Variants in LARGE1 observed in about 807,000 individuals in gnomAD.
LARGE1 encodes xylosyl- and glucuronyltransferase LARGE1.
Under a neutral mutation model 87.6 loss-of-function variants are expected in LARGE1, and 43 were observed. That is an observed-to-expected ratio of 0.49 (90% CI 0.38 to 0.63). The LOEUF (loss-of-function observed/expected upper bound fraction) is 0.63. Ranked by LOEUF, LARGE1 falls within the 30% of genes least tolerant of loss-of-function variation. The pLI is 0.00. For synonymous variants in LARGE1, 434 were observed against 394.6 expected, an observed-to-expected ratio of 1.10 and a Z score of -1.18; for missense variants, 802 against 1,000.2, an observed-to-expected ratio of 0.80 and a Z score of 2.67.
At chr22:33,809,568 C>T (rs2086426474) in intron 1 of LARGE1, among the ~76,000 whole-genome samples, 1 of 152,188 alleles carries the variant, frequency 6.6e-6, no homozygotes, top group Non-Finnish European at 1.5e-5. Flanking sequence ...CATGTCTAAA[C>T]CAGCACTTTC....
chr22:33,317,498 T>C (rs1936288156), intron 10 of LARGE1, among the ~76,000 whole-genome samples: 1 of 152,222 alleles, frequency 6.6e-6, no homozygotes, highest in Admixed American at 6.5e-5. Context: ...TTTCTTTCTT[T>C]GAACTCTCTG....
intron 6 of LARGE1, among the ~76,000 whole-genome samples, chr22:33,546,777 T>C (rs2077371407): frequency 6.6e-6 from 1 of 152,152 alleles, no homozygotes; most frequent in African/African-American, 2.4e-5. Flanking sequence ...AGAGATGGGG[T>C]TTCACAACGG....
intron 1 of LARGE1, among the ~76,000 whole-genome samples, chr22:33,847,301 AC>A (rs2063462960): frequency 6.6e-6 from 1 of 152,150 alleles, no homozygotes; most frequent in South Asian, 2.1e-4. Context: ...TAAAACACTG[AC>A]TTTATTAGAC....
chr22:33,128,406 G>C, the LARGE1 span, among the ~76,000 whole-genome samples: 2 of 152,218 alleles, frequency 1.3e-5, no homozygotes, highest in East Asian at 3.8e-4. Flanking sequence ...CAGATGCAGT[G>C]GCTCATGCCT....
chr22:33,081,613 C>A, the LARGE1 span, among the ~76,000 whole-genome samples: 1 of 152,082 alleles, frequency 6.6e-6, no homozygotes, highest in South Asian at 2.1e-4. Flanking sequence ...GAGAGATTAA[C>A]CCTTTTTGAG....
chr22:33,628,644 A>C (rs905976678), intron 3 of LARGE1, among the ~76,000 whole-genome samples: 17 of 152,154 alleles, frequency 1.1e-4, no homozygotes, highest in African/African-American at 3.9e-4. Context: ...CTGGTGGTAC[A>C]TCAGAAACAG....
At position 33,630,971 on chromosome 22, in the gene LARGE1, G is replaced by A. The variant is rs2080091469; in HGVS notation, c.409-4645C>T. Among the ~76,000 whole-genome samples the A allele has an allele frequency of 2.0e-5, 3 of 151,810 alleles. No homozygotes were observed. In the South Asian group the frequency reaches 6.2e-4, roughly 31 times the overall value. ...GGGCTCAAGCGATTCTCCTGCCTCA[G>A]TCTCCCGAGTAGCTTGGACTACAGG... On this transcript the variant is annotated intron_variant, in intron 3 of 14. Transcript: ENST00000397394.
rs139108196 is a variant in LARGE1, at chr22:33,634,674, AAATAAT to A, written c.409-8354_409-8349del. 1.8e-4 allele frequency among the ~76,000 whole-genome samples: 27 copies of A among 149,490 alleles called. No homozygotes were observed. The East Asian group carries it at 1.9e-3, about 11-fold the overall frequency. On this transcript the variant is annotated intron_variant, in intron 3 of 14. Transcript: ENST00000397394. ...GGCTTCTACTGCAAAAAAAATTTCAAAATAATAATAATAATAATAATAATAATAAAA... is the reference window on the plus strand; with the variant it reads ...GGCTTCTACTGCAAAAAAAATTTCAAAATAATAATAATAATAATAATAAAA...
intron 7 of LARGE1, among the ~76,000 whole-genome samples, chr22:33,394,669 C>G (rs1569125055): frequency 6.6e-6 from 1 of 151,616 alleles, no homozygotes; most frequent in Non-Finnish European, 1.5e-5. Flanking sequence ...TTTGTGGTCT[C>G]AACCATACCA....
At chr22:33,709,591 T>G (rs1251504939) in intron 2 of LARGE1, among the ~76,000 whole-genome samples, 2 of 152,084 alleles carry the variant, frequency 1.3e-5, no homozygotes, top group African/African-American at 4.8e-5. Context: ...GGCGTGGTTG[T>G]TTAGAGGTAC....
At chr22:33,390,631 T>C (rs751425622) in intron 7 of LARGE1, among the ~76,000 whole-genome samples, 2 of 151,608 alleles carry the variant, frequency 1.3e-5, no homozygotes, top group African/African-American at 2.4e-5. Context: ...AGCTGGGCCA[T>C]AGGCAAGCTG....
chr22:33,170,672 T>A (rs1922519730), intron 11 of LARGE1, among the ~76,000 whole-genome samples: 1 of 152,208 alleles, frequency 6.6e-6, no homozygotes, highest in South Asian at 2.1e-4. Context: ...GAGTGTGAGT[T>A]TCCTGAGGCC....
At chr22:33,476,846 G>A (rs1239975065) in intron 6 of LARGE1, among the ~76,000 whole-genome samples, 1 of 152,154 alleles carries the variant, frequency 6.6e-6, no homozygotes, top group African/African-American at 2.4e-5. Context: ...ACTAACATTA[G>A]CAGAACGTGC....
intron 1 of LARGE1, among the ~76,000 whole-genome samples, chr22:33,915,618 G>T (rs1466476331): frequency 6.6e-6 from 1 of 152,118 alleles, no homozygotes; most frequent in Non-Finnish European, 1.5e-5. Flanking sequence ...GCTGTACGTA[G>T]AATGATAACG....
intron 6 of LARGE1, among the ~76,000 whole-genome samples, chr22:33,466,187 C>T (rs559676175): frequency 6.6e-6 from 1 of 152,314 alleles, no homozygotes; most frequent in East Asian, 1.9e-4. Context: ...AAATGCTCAC[C>T]CCAACTCTTG....
intron 1 of LARGE1, among the ~76,000 whole-genome samples, chr22:33,808,682 G>T (rs896196243): frequency 1.3e-5 from 2 of 152,210 alleles, no homozygotes; most frequent in Admixed American, 1.3e-4. Flanking sequence ...ACAGTGACGA[G>T]TACACTGGAG....
At chr22:33,587,461 A>G (rs2078709270) in intron 5 of LARGE1, among the ~76,000 whole-genome samples, 1 of 152,108 alleles carries the variant, frequency 6.6e-6, no homozygotes, top group Non-Finnish European at 1.5e-5. Context: ...CCTATATAAA[A>G]TCTTATTTTC....
chr22:33,756,118 T>C (rs977575552), intron 2 of LARGE1, among the ~76,000 whole-genome samples: 1 of 152,004 alleles, frequency 6.6e-6, no homozygotes, highest in Admixed American at 6.6e-5. Flanking sequence ...ACAGACAGTA[T>C]AGGTTGGGGA....
At chr22:33,161,530 T>A (rs1307196292), downstream of LARGE1, among the ~76,000 whole-genome samples, 2 of 151,878 alleles carry the variant, frequency 1.3e-5, no homozygotes, top group Non-Finnish European at 2.9e-5. Flanking sequence ...ACAATAGGGG[T>A]ACAAGAATTG....
Sources: gnomAD v4.1 joint callset for allele counts (sites outside exome capture counted in the v4.1 genomes callset) on GRCh38, gnomAD v4.1.1 for gene constraint, MANE v1.5 for transcripts, NCBI Gene and HGNC (gene_info 2026-07-23, HGNC 2026-07-21) for gene names.